Variants in EIF5B observed in about 807,000 individuals in gnomAD.
EIF5B encodes the protein eukaryotic translation initiation factor 5B.
EIF5B carries 47 observed loss-of-function variants against 147.5 expected under a neutral mutation model. The observed-to-expected ratio is 0.32, with a 90% CI of 0.25 to 0.41. The LOEUF is 0.41. EIF5B is among the 10% of genes least tolerant of loss of function. The pLI, the probability that EIF5B is intolerant of heterozygous loss-of-function variation, is 1.00. For synonymous variants in EIF5B, 455 were observed against 456.2 expected (o/e 1.00, Z 0.03); for missense variants, 1,064 against 1,413.2 (o/e 0.75, Z 3.96).
At position 99,359,823 on chromosome 2, in the gene EIF5B, TATTCCAAGTAAA is replaced by T. The variant is rs575544102; in HGVS notation, c.36-411_36-400del. Among the ~76,000 whole-genome samples the T allele has an allele frequency of 2.0e-5, 3 of 152,362 alleles. No homozygotes were observed. In the East Asian group the frequency reaches 5.8e-4, roughly 29 times the overall value. Reference sequence around the variant, plus strand: ...TTCCTTCCAACTCTGAAATTTCTGCTATTCCAAGTAAAAATGCACAGGGATCCAAATATTTAG... The same window carrying T: ...TTCCTTCCAACTCTGAAATTTCTGCTAATGCACAGGGATCCAAATATTTAG... On this transcript the variant is annotated intron_variant, in intron 1 of 23. Coordinates refer to ENST00000289371, the MANE Select transcript of EIF5B (RefSeq NM_015904.4).
At chr2:99,359,198 T>C (rs1674152597) in intron 1 of EIF5B, among the ~76,000 whole-genome samples, 4 of 131,932 alleles carry the variant, frequency 3.0e-5, no homozygotes, top group Admixed American at 3.0e-4. Flanking sequence ...CCGTCTCTAC[T>C]TAAAATACAA....
Position 99,337,423 on chromosome 2 carries a change from G to T in EIF5B, c.-132G>T. Reference sequence around the variant, plus strand: ...GTGTCCTGTTCCAGTGCGCGGGTCTGTGGAGAGCCGGGTGCGAGCGGCGGC... The same window carrying T: ...GTGTCCTGTTCCAGTGCGCGGGTCTTTGGAGAGCCGGGTGCGAGCGGCGGC... On this transcript the variant is annotated 5_prime_UTR_variant, in exon 1 of 24. Transcript: ENST00000289371. The T allele has an allele frequency of 4.3e-6, 5 of 1,158,768 alleles. 1 individual carries two copies. The South Asian group carries it at 6.6e-5, about 15-fold the overall frequency. 71.8% of individuals were successfully genotyped at this position (1,158,768 alleles called of 1,614,324 possible).
chr2:99,390,487 T>A, intron 16 of EIF5B, 57 bp from the exon 17 acceptor site: 1 of 1,585,788 alleles, frequency 6.3e-7, no homozygotes, highest in Non-Finnish European at 8.6e-7. Context: ...TACTTTTAGA[T>A]TTAATGAACA....
intron 1 of EIF5B, among the ~76,000 whole-genome samples, chr2:99,349,396 CATT>C (rs2094279408): frequency 6.6e-6 from 1 of 152,178 alleles, no homozygotes; most frequent in Admixed American, 6.5e-5. Flanking sequence ...AAATACCTGT[CATT>C]ATCAAATGAA....
intron 12 of EIF5B, among the ~76,000 whole-genome samples, chr2:99,379,832 T>C (rs549820818): frequency 4.6e-5 from 7 of 152,372 alleles, no homozygotes; most frequent in African/African-American, 1.2e-4. Context: ...AGTTTATGTA[T>C]GTTAAATGTA....
At chr2:99,379,790 TC>T (rs1294402009) in intron 12 of EIF5B, among the ~76,000 whole-genome samples, 1 of 152,222 alleles carries the variant, frequency 6.6e-6, no homozygotes, top group Non-Finnish European at 1.5e-5. Context: ...TTTCTTTTTC[TC>T]CCATATTTTT....
At chr2:99,384,873 G>C (rs1674768059) in intron 14 of EIF5B, among the ~76,000 whole-genome samples, 1 of 152,166 alleles carries the variant, frequency 6.6e-6, no homozygotes, top group South Asian at 2.1e-4. Flanking sequence ...TCTTGAGGTG[G>C]AGTCTCCTTC....
intron 10 of EIF5B, among the ~76,000 whole-genome samples, chr2:99,378,751 A>G (rs1254054688): frequency 6.6e-6 from 1 of 152,232 alleles, no homozygotes; most frequent in African/African-American, 2.4e-5. Flanking sequence ...AAAGTATTCA[A>G]AAATTTTGAA....
intron 1 of EIF5B, among the ~76,000 whole-genome samples, chr2:99,352,449 C>T (rs753620505): frequency 1.3e-5 from 2 of 151,772 alleles, no homozygotes; most frequent in Non-Finnish European, 2.9e-5. Context: ...CCCGCTTTGG[C>T]TTCCCAAAGT....
At chr2:99,357,478 A>G (rs927943794) in intron 1 of EIF5B, among the ~76,000 whole-genome samples, 1 of 152,218 alleles carries the variant, frequency 6.6e-6, no homozygotes, top group East Asian at 1.9e-4. Context: ...GGTCAGCACA[A>G]TGCCTGAATA....
intron 1 of EIF5B, among the ~76,000 whole-genome samples, chr2:99,357,012 A>G (rs1674111063): frequency 6.6e-6 from 1 of 152,246 alleles, no homozygotes; most frequent in East Asian, 1.9e-4. Flanking sequence ...GTGCTTTGCA[A>G]ATATCTCTTT....
chr2:99,373,155 C>G (rs773878665), intron 9 of EIF5B, among the ~76,000 whole-genome samples: 2 of 152,166 alleles, frequency 1.3e-5, no homozygotes, highest in Non-Finnish European at 2.9e-5. Context: ...TATAGGTACA[C>G]GAGCTTTGAT....
At chr2:99,337,839 G>C (rs2094246911) in intron 1 of EIF5B, among the ~76,000 whole-genome samples, 2 of 152,264 alleles carry the variant, frequency 1.3e-5, no homozygotes, top group African/African-American at 4.8e-5. Context: ...TGAGGAGCGG[G>C]GTAGTCATTT....
intron 1 of EIF5B, among the ~76,000 whole-genome samples, chr2:99,346,696 G>A (rs567913560): frequency 2.3e-4 from 30 of 133,050 alleles, no homozygotes; most frequent in African/African-American, 7.2e-4. Context: ...TCAGCCTCTC[G>A]AGTAGCTGGC....
chr2:99,356,108 A>G (rs1674092168), intron 1 of EIF5B, among the ~76,000 whole-genome samples: 1 of 149,350 alleles, frequency 6.7e-6, no homozygotes, highest in Admixed American at 6.7e-5. Context: ...GTTTTTCTCT[A>G]CTGTCCTGTA....
intron 15 of EIF5B, 44 bp from the exon 16 acceptor site, chr2:99,390,175 C>T (rs369638280): frequency 1.6e-5 from 25 of 1,608,322 alleles, no homozygotes; most frequent in Admixed American, 8.4e-5. Context: ...ATTCCAGATA[C>T]GTTTTCTTTA....
intron 9 of EIF5B, among the ~76,000 whole-genome samples, chr2:99,374,235 G>A (rs2104211050): frequency 6.7e-6 from 1 of 148,584 alleles, no homozygotes; most frequent in East Asian, 2.0e-4. Context: ...GTTGCAGTGA[G>A]CTGAGATTGC....
chr2:99,354,796 CTTTTTT>C (rs57735386), intron 1 of EIF5B, among the ~76,000 whole-genome samples: 4 of 80,020 alleles, frequency 5.0e-5, no homozygotes, highest in Non-Finnish European at 6.9e-5. Context: ...ATTGGTTGTA[CTTTTTT>C]TTTTTTTTTT....
At chr2:99,395,499 A>T (rs993891788) in intron 21 of EIF5B, among the ~76,000 whole-genome samples, 13 of 152,236 alleles carry the variant, frequency 8.5e-5, no homozygotes, top group Admixed American at 6.5e-4. Context: ...ATGCCTGGCT[A>T]ATTTTTTGTA....
Sources: allele counts gnomAD v4.1 joint callset (sites outside exome capture counted in the v4.1 genomes callset), GRCh38; gene constraint gnomAD v4.1.1; transcripts MANE v1.5; gene names NCBI Gene and HGNC (gene_info 2026-07-23, HGNC 2026-07-21).